Variants in SMYD1 observed in about 807,000 individuals in gnomAD.
SMYD1 encodes SET and MYND domain containing 1.
In SMYD1, 49 loss-of-function variants were observed where a neutral mutation model predicts 54.0. That is an observed-to-expected ratio of 0.91 (90% CI 0.72 to 1.15). The LOEUF (loss-of-function observed/expected upper bound fraction) is 1.15. Ranked by LOEUF, SMYD1 falls within the 50% of genes most tolerant of loss-of-function variation. SMYD1 has a pLI of 0.00. For synonymous variants in SMYD1, 269 were observed against 234.2 expected (o/e 1.15, Z -1.36); for missense variants, 653 against 639.6 (o/e 1.02, Z -0.23).
At chr2:88,069,410 C>A (rs867049677) in intron 1 of SMYD1, among the ~76,000 whole-genome samples, 1 of 152,096 alleles carries the variant, frequency 6.6e-6, no homozygotes, top group African/African-American at 2.4e-5. Context: ...TCAGGGGGAG[C>A]TTGTCTTATT....
intron 3 of SMYD1, among the ~76,000 whole-genome samples, chr2:88,089,735 T>C (rs1040626590): frequency 2.0e-5 from 3 of 151,830 alleles, no homozygotes; most frequent in African/African-American, 7.3e-5. Context: ...CACAGATGCA[T>C]ACCACTATGC....
At chr2:88,104,154 G>C (rs900894460) in intron 7 of SMYD1, among the ~76,000 whole-genome samples, 2 of 152,052 alleles carry the variant, frequency 1.3e-5, no homozygotes, top group Admixed American at 6.5e-5. Context: ...TTTCAGTAGA[G>C]AAGGGGTTTC....
rs1674933628 is a variant in SMYD1, at chr2:88,108,430, C to A, written c.1205C>A (p.Thr402Asn). 1.2e-6 allele frequency: 2 copies of A among 1,613,056 alleles called. No individual in the cohort carries two copies. ...ATGGCCGTGATGCGGGCAGGGCTGACCAACTGGCATGCTGGTAACATTGAG... is the reference window on the plus strand; with the variant it reads ...ATGGCCGTGATGCGGGCAGGGCTGAACAACTGGCATGCTGGTAACATTGAG... Reference protein sequence around the residue: ...LGMAVMRAGLTNWHAGNIEVG... With the variant: ...LGMAVMRAGLNNWHAGNIEVG... Residue 402 changes from threonine (T) to asparagine (N), a missense_variant, in exon 9 of 10, where the codon ACC becomes AAC. By Grantham distance (65) the Thr-to-Asn change is moderately conservative (BLOSUM62 0). Transcript: ENST00000419482.
At chr2:88,073,794 T>C (rs1573100420) in intron 1 of SMYD1, among the ~76,000 whole-genome samples, 1 of 152,218 alleles carries the variant, frequency 6.6e-6, no homozygotes, top group East Asian at 1.9e-4. Context: ...CTGTTAAAAC[T>C]TTTTTTAGTA....
At chr2:88,091,654 G>A (rs933216268) in intron 4 of SMYD1, among the ~76,000 whole-genome samples, 4 of 152,098 alleles carry the variant, frequency 2.6e-5, no homozygotes, top group Admixed American at 1.3e-4. Context: ...TGAGATCAGC[G>A]TGGACAACAC....
chr2:88,098,272 G>A (rs993313653), intron 6 of SMYD1, among the ~76,000 whole-genome samples: 3 of 152,088 alleles, frequency 2.0e-5, no homozygotes, highest in Non-Finnish European at 2.9e-5. Context: ...ACAACCATGC[G>A]ATCATTTCTT....
chr2:88,102,377 G>T (rs878937014), intron 6 of SMYD1, among the ~76,000 whole-genome samples: 1 of 140,150 alleles, frequency 7.1e-6, no homozygotes. Flanking sequence ...TGTTTTTTTT[G>T]GTAAGATCAC....
chr2:88,073,718 G>A (rs1329754581), intron 1 of SMYD1, among the ~76,000 whole-genome samples: 1 of 152,176 alleles, frequency 6.6e-6, no homozygotes, highest in African/African-American at 2.4e-5. Context: ...CACAGGGGTT[G>A]TCTCCTCATC....
chr2:88,110,375 A>G lies in SMYD1; in HGVS notation c.1336A>G (p.Met446Val). 2 of 1,612,828 alleles carry G rather than the reference A, an allele frequency of 1.2e-6. No individual in the cohort carries two copies. Among genetic ancestry groups the G allele is most frequent in the Non-Finnish European group, 8.5e-7 (1 of 1,179,466 alleles). Residue 446 changes from methionine to valine, a missense_variant, in exon 10 of 10, where the codon ATG becomes GTG. Physicochemically the swap from Met to Val is conservative, Grantham distance 21. Coordinates refer to ENST00000419482, the MANE Select transcript of SMYD1 (RefSeq NM_198274.4). ...ACAGGCCATGCGGGTGCAGACGGAG[A>G]TGGAGCTACGCATGTTCCGCCAGAA... Reference protein sequence around the residue: ...DLEAMRVQTEMELRMFRQNEF... With the variant: ...DLEAMRVQTEVELRMFRQNEF...
At position 88,112,121 on chromosome 2, in the gene SMYD1, A is replaced by G; in HGVS notation, c.*1609A>G. 4.3e-6 allele frequency: 3 copies of G among 703,422 alleles called. No homozygotes were observed. The highest frequency in any genetic ancestry group is 7.8e-6 in the Non-Finnish European group (3 of 385,100). 43.6% of individuals were successfully genotyped at this position (703,422 alleles called of 1,614,324 possible). A position where few individuals can be genotyped will look rare whatever the true frequency, so the allele number is the denominator to read the frequency against. ...TGGAAGGTTTTACAAGAAGACTGATAGTCTTTCAAGCCCCCACATCACAGG... is the reference window on the plus strand; with the variant it reads ...TGGAAGGTTTTACAAGAAGACTGATGGTCTTTCAAGCCCCCACATCACAGG... On this transcript the variant is annotated 3_prime_UTR_variant, in exon 10 of 10. Transcript: ENST00000419482.
intron 8 of SMYD1, among the ~76,000 whole-genome samples, chr2:88,107,258 GCTTT>G (rs892682724): frequency 6.6e-6 from 1 of 151,888 alleles, no homozygotes; most frequent in African/African-American, 2.4e-5. Context: ...ACCCTCTCTT[GCTTT>G]CTGTGTTTAT....
At chr2:88,069,124 C>T (rs1673894584) in intron 1 of SMYD1, among the ~76,000 whole-genome samples, 1 of 152,144 alleles carries the variant, frequency 6.6e-6, no homozygotes, top group African/African-American at 2.4e-5. Flanking sequence ...TTTAAACAAA[C>T]CTACATGGTG....
intron 4 of SMYD1, among the ~76,000 whole-genome samples, 191 bp from the exon 5 acceptor site, chr2:88,093,326 A>G (rs745767480): frequency 7.9e-5 from 12 of 152,152 alleles, no homozygotes; most frequent in Non-Finnish European, 1.6e-4. Context: ...CTTGTTCCAA[A>G]TTCAGTGCAC....
chr2:88,081,797 A>C (rs922801741), intron 1 of SMYD1, among the ~76,000 whole-genome samples: 41 of 152,144 alleles, frequency 2.7e-4, no homozygotes, highest in Non-Finnish European at 2.9e-5. Context: ...TAATGTGGAG[A>C]TCCGGCAAGT....
chr2:88,087,869 G>GT lies in SMYD1; in HGVS notation c.322_323insT (p.Ala108ValfsTer71). 4 of 1,584,068 alleles carry GT rather than the reference G, an allele frequency of 2.5e-6. No homozygotes were observed. The highest frequency in any genetic ancestry group is 1.8e-5 in the Admixed American group (1 of 57,124). The stretch of plus-strand genomic sequence containing the variant: ...ACGCTGCCCTTCCCACAGGCTGGCG[G>GT]CGCGCATCATGTGGCGGGTGGAGAG... On this transcript the variant is annotated frameshift_variant, in exon 3 of 10. Coordinates refer to ENST00000419482, the MANE Select transcript of SMYD1 (RefSeq NM_198274.4). LOFTEE classifies it high-confidence loss of function.
At chr2:88,094,694 G>A (rs1248230035) in intron 5 of SMYD1, among the ~76,000 whole-genome samples, 3 of 152,164 alleles carry the variant, frequency 2.0e-5, no homozygotes, top group Non-Finnish European at 4.4e-5. Context: ...GACACCCTGA[G>A]ACCGTGCAAG....
At chr2:88,103,410 C>T (rs1292027723) in intron 7 of SMYD1, among the ~76,000 whole-genome samples, 3 of 152,074 alleles carry the variant, frequency 2.0e-5, no homozygotes, top group Non-Finnish European at 4.4e-5. Flanking sequence ...AGACACTTGT[C>T]CCTGGGGGAT....
At chr2:88,093,122 A>G (rs1166007828) in intron 4 of SMYD1, among the ~76,000 whole-genome samples, 1 of 152,218 alleles carries the variant, frequency 6.6e-6, no homozygotes, top group Non-Finnish European at 1.5e-5. Flanking sequence ...TCTTTCCAAG[A>G]CAGACATCCA....
Position 88,103,086 on chromosome 2 carries a change from T to C in SMYD1, c.917T>C (p.Ile306Thr), listed in dbSNP as rs776663383. Residue 306 changes from isoleucine (I) to threonine (T), a missense_variant, in exon 7 of 10, where the codon ATA (isoleucine) becomes ACA (threonine). Transcript: ENST00000419482. ...TCTCAGGAAGTGGTGAAGGAGATGA[T>C]ACAATTCTCCAAGGATACATTGGAA... The part of the protein sequence containing the change: ...KPSQEVVKEM[I>T]QFSKDTLEKI... 1.7e-5 allele frequency: 27 copies of C among 1,613,990 alleles called. No individual in the cohort carries two copies. The highest frequency in any genetic ancestry group is 2.3e-5 in the Non-Finnish European group (27 of 1,179,986).
Sources: allele counts gnomAD v4.1 joint callset (sites outside exome capture counted in the v4.1 genomes callset), GRCh38; gene constraint gnomAD v4.1.1; transcripts MANE v1.5; gene names NCBI Gene and HGNC (gene_info 2026-07-23, HGNC 2026-07-21).